The following NUP210L variants were observed in gnomAD, a reference collection of about 807,000 sequenced individuals.
NUP210L encodes nucleoporin 210 like.
Under a neutral mutation model 208.5 loss-of-function variants are expected in NUP210L, and 74 were observed. That is an observed-to-expected ratio of 0.35 (90% CI 0.29 to 0.43). The LOEUF (loss-of-function observed/expected upper bound fraction) is 0.43. NUP210L is among the 20% of genes least tolerant of loss of function. The pLI, the probability that NUP210L is intolerant of heterozygous loss-of-function variation, is 1.00. For synonymous variants in NUP210L, 780 were observed against 816.9 expected (o/e 0.95, Z 0.77); for missense variants, 1,843 against 2,289.4 (o/e 0.81, Z 3.98).
chr1:154,145,581 C>T (rs560158355), intron 2 of NUP210L, among the ~76,000 whole-genome samples: 1 of 152,126 alleles, frequency 6.6e-6, no homozygotes, highest in Admixed American at 6.5e-5. Flanking sequence ...ATTACTCATC[C>T]TGAAATTACT....
intron 8 of NUP210L, among the ~76,000 whole-genome samples, chr1:154,128,935 C>G (rs1658115971): frequency 6.6e-6 from 1 of 152,172 alleles, no homozygotes; most frequent in South Asian, 2.1e-4. Flanking sequence ...TCAGCTCATT[C>G]CTAATGTGTC....
chr1:154,055,112 CTCTTTCTTTCTTTTCTTTCTT>C (rs1653745973), intron 23 of NUP210L, among the ~76,000 whole-genome samples: 4 of 140,762 alleles, frequency 2.8e-5, no homozygotes, highest in Admixed American at 2.2e-4. Flanking sequence ...TCTTTTCTTT[CTCTTTCTTTCTTTTCTTTCTT>C]TCTTTCTTTC....
intron 12 of NUP210L, among the ~76,000 whole-genome samples, chr1:154,105,659 A>C (rs1440831491): frequency 6.6e-6 from 1 of 152,184 alleles, no homozygotes; most frequent in Non-Finnish European, 1.5e-5. Context: ...GAAATGGAAA[A>C]GTAAAGGGGA....
intron 8 of NUP210L, among the ~76,000 whole-genome samples, chr1:154,127,969 T>A (rs1457537900): frequency 2.0e-5 from 3 of 152,138 alleles, no homozygotes; most frequent in African/African-American, 7.2e-5. Context: ...GCTCAGGTGA[T>A]CCTTCTACCT....
At position 153,995,056 on chromosome 1, in the gene NUP210L, A is replaced by G. The variant is rs763720550; in HGVS notation, c.5491+20T>C. On this transcript the variant is annotated intron_variant, in intron 38 of 39. Coordinates refer to ENST00000368559, the Ensembl canonical transcript of NUP210L. ...CAGTTTTCATGTCAAAGTCTATGTT[A>G]TTGAATATAAGGACTCTACCTAGGA... The G allele has an allele frequency of 2.6e-5, 36 of 1,409,832 alleles. No homozygotes were observed. In the East Asian group the frequency reaches 6.2e-4, roughly 24 times the overall value. The allele number at this position is 1,409,832 out of a possible 1,614,324, so 87.3% of individuals were successfully genotyped here.
At chr1:154,126,415 G>A in exon 10 of NUP210L, 2 of 1,613,350 alleles carry the variant, frequency 1.2e-6, no homozygotes, top group Non-Finnish European at 1.7e-6. Flanking sequence ...ACGGTAGTTA[G>A]TTGCTCTTCA....
At chr1:154,060,671 G>A (rs1654086301) in intron 19 of NUP210L, 30 bp from the exon 20 acceptor site, 1 of 1,415,648 alleles carries the variant, frequency 7.1e-7, no homozygotes, top group Non-Finnish European at 1.0e-6. Flanking sequence ...ACAATATTCT[G>A]TTTGCTTCAG....
intron 16 of NUP210L, among the ~76,000 whole-genome samples, chr1:154,078,584 G>T (rs1571245796): frequency 6.9e-6 from 1 of 145,718 alleles, no homozygotes; most frequent in African/African-American, 2.6e-5. Context: ...AACGAAGTGA[G>T]AATCTGTCTC....
At chr1:154,067,137 C>CA (rs1428569817) in intron 17 of NUP210L, among the ~76,000 whole-genome samples, 1 of 151,848 alleles carries the variant, frequency 6.6e-6, no homozygotes, top group Non-Finnish European at 1.5e-5. Context: ...AGAGACACAA[C>CA]AAAAAAAGAG....
At chr1:154,068,404 G>T (rs1571233381) in intron 17 of NUP210L, among the ~76,000 whole-genome samples, 1 of 152,006 alleles carries the variant, frequency 6.6e-6, no homozygotes, top group African/African-American at 2.4e-5. Context: ...AAACTGGGTG[G>T]GGTGCAGTGG....
At chr1:154,070,192 A>G in intron 17 of NUP210L, 81 bp downstream of exon 17, 1 of 1,196,712 alleles carries the variant, frequency 8.4e-7, no homozygotes, top group Non-Finnish European at 1.2e-6. Flanking sequence ...CTAGAACTTA[A>G]AGCAAAAAAC....
intron 10 of NUP210L, among the ~76,000 whole-genome samples, chr1:154,125,704 AG>A (rs1557994927): frequency 3.7e-4 from 12 of 32,354 alleles, no homozygotes; most frequent in African/African-American, 8.1e-4. Flanking sequence ...GAAGGAAGGA[AG>A]GAAGGAAGGA....
At chr1:154,079,635 T>TAGAA (rs1368670993) in intron 16 of NUP210L, 1 of 152,368 alleles carries the variant, frequency 6.6e-6, no homozygotes, top group East Asian at 1.9e-4. Context: ...ACATTATCTT[T>TAGAA]ATTTGTTAGA....
chr1:154,016,331 A>G (rs1651245641), intron 33 of NUP210L, among the ~76,000 whole-genome samples: 1 of 152,134 alleles, frequency 6.6e-6, no homozygotes, highest in African/African-American at 2.4e-5. Flanking sequence ...TGTTTGAGGA[A>G]TGAAAAAAGA....
exon 36 of NUP210L, chr1:154,001,760 A>G (rs1432659227): frequency 9.3e-6 from 15 of 1,614,004 alleles, no homozygotes; most frequent in Non-Finnish European, 1.2e-5. Context: ...AACTCTGTCC[A>G]CTCCCAGTAC....
intron 8 of NUP210L, among the ~76,000 whole-genome samples, chr1:154,128,762 G>T (rs1334961949): frequency 1.3e-5 from 2 of 152,082 alleles, no homozygotes; most frequent in African/African-American, 4.8e-5. Context: ...TGTGAAGATT[G>T]CTTGAGCCTG....
At chr1:154,023,468 G>T (rs1651681852) in intron 30 of NUP210L, among the ~76,000 whole-genome samples, 171 bp from the exon 31 acceptor site, 1 of 152,102 alleles carries the variant, frequency 6.6e-6, no homozygotes, top group African/African-American at 2.4e-5. Context: ...CAGCATAGCA[G>T]CATAGGAAAT....
intron 17 of NUP210L, among the ~76,000 whole-genome samples, chr1:154,062,045 C>G (rs1208563141): frequency 1.3e-5 from 2 of 152,178 alleles, no homozygotes; most frequent in South Asian, 4.1e-4. Context: ...CCAGGCTGGT[C>G]TCGAATTCCT....
intron 10 of NUP210L, among the ~76,000 whole-genome samples, chr1:154,120,523 C>T (rs968063606): frequency 7.3e-5 from 11 of 150,100 alleles, no homozygotes; most frequent in Admixed American, 3.4e-4. Flanking sequence ...ATATACCTAA[C>T]GTAAATGATA....
Sources: allele counts gnomAD v4.1 joint callset (sites outside exome capture counted in the v4.1 genomes callset), GRCh38; gene constraint gnomAD v4.1.1; transcripts MANE v1.5; gene names NCBI Gene and HGNC (gene_info 2026-07-23, HGNC 2026-07-21).